Variants in PRELID2 observed in about 807,000 individuals in gnomAD.
PRELID2 encodes the protein PRELI domain containing 2, also known as PRELI domain-containing protein 2.
Under a neutral mutation model 28.4 loss-of-function variants are expected in PRELID2, and 25 were observed. That is an observed-to-expected ratio of 0.88 (90% CI 0.64 to 1.23). The LOEUF (loss-of-function observed/expected upper bound fraction) is 1.23, where lower values mean the gene tolerates loss of function less well. PRELID2 is among the 50% of genes most tolerant of loss of function. PRELID2 has a pLI of 0.00. For missense variants in PRELID2, 201 were observed against 214.4 expected, an observed-to-expected ratio of 0.94 and a Z score of 0.39; for synonymous variants, 76 against 71.6, an observed-to-expected ratio of 1.06 and a Z score of -0.31.
chr5:145,835,262 C>T lies in PRELID2; in HGVS notation c.-11G>A. The T allele has an allele frequency of 6.5e-7, 1 of 1,542,738 alleles. No individual in the cohort carries two copies. The highest frequency in any genetic ancestry group is 2.5e-5 in the East Asian group (1 of 40,740). ...CACCGAGACCCCCATCCCCGCGCGC[C>T]GCGGGCCCCGCGCACCGGCCACGCC... On this transcript the variant is annotated 5_prime_UTR_variant, in exon 1 of 7. Transcript: ENST00000683046.
At chr5:145,547,577 G>A (rs1304597080) in intron 1 of PRELID2, among the ~76,000 whole-genome samples, 2 of 152,022 alleles carry the variant, frequency 1.3e-5, no homozygotes, top group Non-Finnish European at 2.9e-5. Context: ...TCTTGCAAGC[G>A]CAGTTGAACT....
At chr5:145,288,159 C>T in the PRELID2 span, among the ~76,000 whole-genome samples, 1 of 152,078 alleles carries the variant, frequency 6.6e-6, no homozygotes. Flanking sequence ...CCCTCCTCTC[C>T]ACACTCTAGT....
At chr5:145,817,037 C>G (rs1754351128) in intron 4 of PRELID2, among the ~76,000 whole-genome samples, 1 of 150,356 alleles carries the variant, frequency 6.7e-6, no homozygotes, top group Admixed American at 6.7e-5. Context: ...TGACACATGC[C>G]TGAAACCTTC....
intron 1 of PRELID2, among the ~76,000 whole-genome samples, chr5:145,684,746 A>C (rs73302042): frequency 0.028 from 4,294 of 152,266 alleles, 191 homozygotes; most frequent in African/African-American, 0.094. Flanking sequence ...TCAGGAAGGA[A>C]ACACATGGAT....
intron 1 of PRELID2, among the ~76,000 whole-genome samples, chr5:145,710,321 C>T (rs1338725630): frequency 1.3e-5 from 2 of 152,096 alleles, no homozygotes; most frequent in Non-Finnish European, 2.9e-5. Context: ...CTAATGAATC[C>T]TAGGTCTATG....
the PRELID2 span, among the ~76,000 whole-genome samples, chr5:145,301,905 C>A: frequency 6.8e-6 from 1 of 147,908 alleles, no homozygotes; most frequent in Admixed American, 6.8e-5. Flanking sequence ...AGCAGGTAAC[C>A]TAAGTCATCC....
intron 5 of PRELID2, among the ~76,000 whole-genome samples, chr5:145,784,572 A>G (rs568076689): frequency 8.5e-5 from 13 of 152,232 alleles, no homozygotes; most frequent in Non-Finnish European, 1.8e-4. Context: ...AGAAATGTAC[A>G]CAAATATTTA....
the PRELID2 span, among the ~76,000 whole-genome samples, chr5:145,438,545 T>A: frequency 6.6e-6 from 1 of 152,182 alleles, no homozygotes; most frequent in African/African-American, 2.4e-5. Flanking sequence ...CATCTCCGAA[T>A]ATAAACTGTC....
chr5:145,234,541 G>T, the PRELID2 span, among the ~76,000 whole-genome samples: 1 of 152,020 alleles, frequency 6.6e-6, no homozygotes, highest in South Asian at 2.1e-4. Flanking sequence ...AAACATGTCT[G>T]CTTTGGTCAG....
chr5:145,352,147 A>G, the PRELID2 span, among the ~76,000 whole-genome samples: 1 of 152,134 alleles, frequency 6.6e-6, no homozygotes, highest in Non-Finnish European at 1.5e-5. Flanking sequence ...CCTCTAGGCA[A>G]TACCACAGTG....
chr5:145,504,163 A>G (rs962626620), intron 1 of PRELID2, among the ~76,000 whole-genome samples: 5 of 152,168 alleles, frequency 3.3e-5, no homozygotes, highest in Non-Finnish European at 7.4e-5. Context: ...GAGCAGCAGC[A>G]CATGACCATG....
At chr5:145,831,460 T>C (rs923500487) in intron 1 of PRELID2, among the ~76,000 whole-genome samples, 6 of 152,150 alleles carry the variant, frequency 3.9e-5, no homozygotes, top group African/African-American at 1.4e-4. Context: ...ATGGTGAAAA[T>C]TGTTTCCCAT....
the PRELID2 span, among the ~76,000 whole-genome samples, chr5:145,428,082 C>T: frequency 1.3e-5 from 2 of 152,090 alleles, no homozygotes; most frequent in African/African-American, 2.4e-5. Context: ...CCTCAGCATC[C>T]GGAGTAGCTG....
chr5:145,333,399 C>G, the PRELID2 span, among the ~76,000 whole-genome samples: 5 of 152,190 alleles, frequency 3.3e-5, no homozygotes, highest in Non-Finnish European at 5.9e-5. Flanking sequence ...TGCTCTGTCC[C>G]TGAAAGATGG....
chr5:145,243,769 A>T, the PRELID2 span, among the ~76,000 whole-genome samples: 1 of 152,136 alleles, frequency 6.6e-6, no homozygotes, highest in East Asian at 1.9e-4. Flanking sequence ...AATATTCAAC[A>T]AAAGTTAACC....
the PRELID2 span, among the ~76,000 whole-genome samples, chr5:145,356,676 G>T: frequency 6.6e-6 from 1 of 152,120 alleles, no homozygotes; most frequent in Non-Finnish European, 1.5e-5. Flanking sequence ...CACATGAGAT[G>T]CATACGCTGT....
the PRELID2 span, among the ~76,000 whole-genome samples, chr5:145,442,482 T>C: frequency 6.6e-6 from 1 of 151,928 alleles, no homozygotes; most frequent in Non-Finnish European, 1.5e-5. Context: ...ATCGGCAGGT[T>C]GAGAAATAAT....
At chr5:145,786,957 C>T (rs1414208429) in intron 5 of PRELID2, among the ~76,000 whole-genome samples, 1 of 152,180 alleles carries the variant, frequency 6.6e-6, no homozygotes, top group Non-Finnish European at 1.5e-5. Flanking sequence ...AATTGTTTGA[C>T]TTGCCCGCAT....
chr5:145,638,768 T>C (rs1754046176), intron 1 of PRELID2, among the ~76,000 whole-genome samples: 1 of 152,262 alleles, frequency 6.6e-6, no homozygotes, highest in African/African-American at 2.4e-5. Flanking sequence ...TCTGGCATCA[T>C]CATTTGTAAA....
Sources: gnomAD v4.1 joint callset for allele counts (sites outside exome capture counted in the v4.1 genomes callset) on GRCh38, gnomAD v4.1.1 for gene constraint, MANE v1.5 for transcripts, NCBI Gene and HGNC (gene_info 2026-07-23, HGNC 2026-07-21) for gene names.